PPP5C: variants seen among roughly 807,000 people sequenced by gnomAD.
The protein encoded by PPP5C is protein phosphatase 5 catalytic subunit, also known as serine/threonine-protein phosphatase 5.
A neutral mutation model predicts 66.7 loss-of-function variants in PPP5C; 21 were observed. That is an observed-to-expected ratio of 0.31 (90% CI 0.22 to 0.45). The LOEUF is 0.45. Ranked by LOEUF, PPP5C falls within the 20% of genes least tolerant of loss-of-function variation. PPP5C has a pLI of 1.00. For missense variants in PPP5C, 464 were observed against 675.9 expected, an observed-to-expected ratio of 0.69 and a Z score of 3.48; for synonymous variants, 246 against 257.4, an observed-to-expected ratio of 0.96 and a Z score of 0.43.
chr19:46,351,638 C>T (rs1601409612), intron 1 of PPP5C, among the ~76,000 whole-genome samples: 1 of 152,244 alleles, frequency 6.6e-6, no homozygotes, highest in East Asian at 1.9e-4. Flanking sequence ...GGCCAGGCAG[C>T]CTCTGGACCA....
rs1371841528 is a variant in PPP5C, at chr19:46,383,493, A to G, written c.699+17A>G. The G allele has an allele frequency of 1.4e-6, 2 of 1,400,878 alleles. No individual in the cohort carries two copies. Among genetic ancestry groups the G allele is most frequent in the East Asian group, 5.3e-5 (2 of 37,548 alleles). The allele number at this position is 1,400,878 out of a possible 1,614,324, so 86.8% of individuals were successfully genotyped here. A position where few individuals can be genotyped will look rare whatever the true frequency, so the allele number is the denominator to read the frequency against. ...CTCAAAGAGGTGCGCGTTGTGGGGC[A>G]GTGCGGGGAGGGCCAGCGGGGGTGG... On this transcript the variant is annotated intron_variant, in intron 5 of 12. Transcript: ENST00000012443. This position sits in a 1 kb window ranked among gnomAD's most constrained non-coding sequence, Gnocchi z 5.0.
rs199970142 is a variant in PPP5C at position 46,347,940 on chromosome 19, G to GAA, written c.121+735_121+736dup. Among the ~76,000 whole-genome samples, 118 of 122,948 alleles carry GAA rather than the reference G, an allele frequency of 9.6e-4. 1 individual carries two copies. Among genetic ancestry groups the GAA allele is most frequent in the East Asian group, 3.2e-3 (15 of 4,630 alleles). 80.7% of individuals were successfully genotyped at this position (122,948 alleles called of 152,430 possible). On this transcript the variant is annotated intron_variant, in intron 1 of 12. Transcript: ENST00000012443. ...GTAATTTTGCAGGTGAACCAGACAT[G>GAA]AAAAAAAAAAAAACAAAAAAAAACC...
chr19:46,375,058 G>A (rs1047580835), intron 2 of PPP5C, among the ~76,000 whole-genome samples: 7 of 152,202 alleles, frequency 4.6e-5, no homozygotes, highest in East Asian at 3.8e-4. Context: ...GCTGCATGCC[G>A]GGCCCCCTGT....
At chr19:46,369,787 G>A (rs765466649) in intron 2 of PPP5C, among the ~76,000 whole-genome samples, 5 of 151,800 alleles carry the variant, frequency 3.3e-5, no homozygotes, top group African/African-American at 7.3e-5. Flanking sequence ...TTAGCCAGGC[G>A]TGGTGGCATG....
chr19:46,362,856 C>T (rs920550437), intron 2 of PPP5C, among the ~76,000 whole-genome samples: 2 of 150,930 alleles, frequency 1.3e-5, no homozygotes, highest in Admixed American at 1.3e-4. Flanking sequence ...GGCGCGATCT[C>T]GGCTCACTGC....
At position 46,383,902 on chromosome 19, in the gene PPP5C, C is replaced by G. The variant is rs778482765; in HGVS notation, c.798+24C>G. The G allele has an allele frequency of 6.4e-7, 1 of 1,551,306 alleles. No homozygotes were observed. Among genetic ancestry groups the G allele is most frequent in the Non-Finnish European group, 8.9e-7 (1 of 1,123,250 alleles). On this transcript the variant is annotated intron_variant, in intron 6 of 12. Coordinates refer to ENST00000012443, the MANE Select transcript of PPP5C (RefSeq NM_006247.4). The surrounding 1 kb of genome is among the most constrained non-coding windows in gnomAD (Gnocchi z 5.0). ...ATGTATCCTTCTCAGCAGAGCCACC[C>G]TCTCCCCACCTCCACCCCCAGCCGC...
At chr19:46,349,998 G>C (rs985484215) in intron 1 of PPP5C, among the ~76,000 whole-genome samples, 29 of 150,502 alleles carry the variant, frequency 1.9e-4, no homozygotes, top group African/African-American at 5.8e-4. Context: ...CTGTAGGAAG[G>C]AGCCAGGGCT....
chr19:46,370,610 TGA>T (rs1972572513), intron 2 of PPP5C, among the ~76,000 whole-genome samples: 1 of 152,252 alleles, frequency 6.6e-6, no homozygotes, highest in South Asian at 2.1e-4. Context: ...GGCGTTGTGC[TGA>T]GACATTCCCA....
intron 2 of PPP5C, among the ~76,000 whole-genome samples, chr19:46,364,962 A>G (rs1972465650): frequency 6.6e-6 from 1 of 152,084 alleles, no homozygotes; most frequent in Non-Finnish European, 1.5e-5. Context: ...GCTCAGTTTC[A>G]ATGAGCAGTT....
In PPP5C at chr19:46,376,636, G is replaced by T. The variant is rs1972701345; in HGVS notation, c.633+62G>T. On this transcript the variant is annotated intron_variant, in intron 4 of 12. Coordinates refer to ENST00000012443, the MANE Select transcript of PPP5C (RefSeq NM_006247.4). The surrounding 1 kb of genome is among the most constrained non-coding windows in gnomAD (Gnocchi z 5.1). ...CTGGGATGGCATCACAGCACTGCCA[G>T]CCGCGGGCACTGAGCAAAACGACAG... is the stretch of plus-strand genomic sequence containing the variant. 2.3e-5 allele frequency: 36 copies of T among 1,587,550 alleles called. No homozygotes were observed. Among genetic ancestry groups the T allele is most frequent in the Non-Finnish European group, 2.9e-5 (34 of 1,165,844 alleles).
At chr19:46,384,216 C>T (rs1342834478) in intron 6 of PPP5C, among the ~76,000 whole-genome samples, 1 of 152,252 alleles carries the variant, frequency 6.6e-6, no homozygotes, top group Non-Finnish European at 1.5e-5. Flanking sequence ...TTTGCCACTT[C>T]CCAGCTGTGT....
At chr19:46,354,076 C>G (rs1162082605) in intron 2 of PPP5C, 87 bp downstream of exon 2, 1 of 1,511,564 alleles carries the variant, frequency 6.6e-7, no homozygotes, top group Admixed American at 2.0e-5. Context: ...AGGAGCCATT[C>G]ACTCCTCTAC....
chr19:46,364,657 C>G (rs1412219812), intron 2 of PPP5C, among the ~76,000 whole-genome samples: 1 of 151,622 alleles, frequency 6.6e-6, no homozygotes, highest in African/African-American at 2.4e-5. Context: ...GGGGGAGTTT[C>G]CTAAAAAAAA....
chr19:46,383,452 G>C lies in PPP5C; in HGVS notation c.675G>C (p.Thr225=). Residue 225 remains threonine (T), a synonymous_variant, in exon 5 of 13, where the codon ACG becomes ACC. Coordinates refer to ENST00000012443, the MANE Select transcript of PPP5C (RefSeq NM_006247.4). This position sits in a 1 kb window ranked among gnomAD's most constrained non-coding sequence, Gnocchi z 5.0. ...QVKEVLSKLS[T]LVETTLKETE... ...AAGAGGTCCTCTCCAAGCTGAGCAC[G>C]CTCGTGGAAACCACACTCAAAGAGG... 6.2e-7 allele frequency: 1 copy of C among 1,610,098 alleles called. No individual in the cohort carries two copies. The highest frequency in any genetic ancestry group is 8.5e-7 in the Non-Finnish European group (1 of 1,177,268).
rs1043546664 is a variant in PPP5C, at chr19:46,383,267, C to G, written c.634-144C>G. On this transcript the variant is annotated intron_variant, in intron 4 of 12. Transcript: ENST00000012443. This position sits in a 1 kb window ranked among gnomAD's most constrained non-coding sequence, Gnocchi z 5.0. ...CCGGCCCCGCCTGCTCCCGCTCCCC[C>G]AGGCCTGCCCTGCCCTTTTTCTTCT... is the stretch of plus-strand genomic sequence containing the variant. The G allele has an allele frequency of 1.4e-5, 22 of 1,546,744 alleles. No individual in the cohort carries two copies. The Admixed American group carries it at 1.6e-4, about 11-fold the overall frequency.
chr19:46,364,890 A>G (rs1972464224), intron 2 of PPP5C, among the ~76,000 whole-genome samples: 1 of 148,490 alleles, frequency 6.7e-6, no homozygotes, highest in African/African-American at 2.5e-5. Context: ...CTCCATAGGT[A>G]TTAGACATAA....
chr19:46,349,410 GC>G (rs1201466390), intron 1 of PPP5C, among the ~76,000 whole-genome samples: 1 of 152,184 alleles, frequency 6.6e-6, no homozygotes, highest in Admixed American at 6.5e-5. Flanking sequence ...GGGACTTGCA[GC>G]AGCAAAACCC....
In PPP5C at chr19:46,383,459, G is replaced by T. The variant is rs1972829746; in HGVS notation, c.682G>T (p.Glu228Ter). Reference protein sequence around the residue: ...EVLSKLSTLVETTLKETEKIT... With the variant: ...EVLSKLSTLV ...CCTCTCCAAGCTGAGCACGCTCGTG[G>T]AAACCACACTCAAAGAGGTGCGCGT... The change falls in exon 5 of 13, where the codon GAA becomes TAA. Residue 228 changes from glutamate to a stop codon, truncating the protein, a stop_gained. Transcript: ENST00000012443. LOFTEE classifies it high-confidence loss of function. This position sits in a 1 kb window ranked among gnomAD's most constrained non-coding sequence, Gnocchi z 5.0. 1 of 1,604,388 alleles carries T rather than the reference G, an allele frequency of 6.2e-7. No homozygotes were observed. Among genetic ancestry groups the T allele is most frequent in the Admixed American group, 1.7e-5 (1 of 59,662 alleles).
At chr19:46,362,400 C>T (rs1007205188) in intron 2 of PPP5C, among the ~76,000 whole-genome samples, 2 of 152,108 alleles carry the variant, frequency 1.3e-5, no homozygotes, top group Non-Finnish European at 2.9e-5. Context: ...TAGTTACTGT[C>T]TTAGCATCAT....
Sources: allele counts gnomAD v4.1 joint callset (sites outside exome capture counted in the v4.1 genomes callset), GRCh38; gene constraint gnomAD v4.1.1; non-coding constraint Gnocchi (gnomAD v3.1); transcripts MANE v1.5; gene names NCBI Gene and HGNC (gene_info 2026-07-23, HGNC 2026-07-21).